The following TSPEAR variants were observed in gnomAD, a reference collection of about 807,000 sequenced individuals.
TSPEAR encodes the protein thrombospondin-type laminin G domain and EAR repeat-containing protein.
A neutral mutation model predicts 71.6 loss-of-function variants in TSPEAR; 69 were observed. That is an observed-to-expected ratio of 0.96 (90% CI 0.79 to 1.18). The LOEUF (loss-of-function observed/expected upper bound fraction) is 1.18, where lower values mean the gene tolerates loss of function less well. Among genes scored for constraint, TSPEAR ranks in the 50% most tolerant of loss-of-function variants. The pLI, the probability that TSPEAR is intolerant of heterozygous loss-of-function variation, is 0.00. For synonymous variants in TSPEAR, 402 were observed against 387.2 expected (o/e 1.04, Z -0.45); for missense variants, 971 against 894.9 (o/e 1.09, Z -1.09).
intron 1 of TSPEAR, among the ~76,000 whole-genome samples, chr21:44,709,234 G>A (rs1049879231): frequency 6.6e-6 from 1 of 152,220 alleles, no homozygotes; most frequent in Admixed American, 6.5e-5. Context: ...GAGGGGTGCC[G>A]AGCCTAGGGC....
In TSPEAR at chr21:44,691,454, T is replaced by C. The variant is rs555943518; in HGVS notation, c.82+19979A>G. Among the ~76,000 whole-genome samples, 34 of 152,328 alleles carry C rather than the reference T, an allele frequency of 2.2e-4. No individual in the cohort carries two copies. The Middle Eastern group carries it at 0.014, about 61-fold the overall frequency. On this transcript the variant is annotated intron_variant, in intron 1 of 11. Transcript: ENST00000323084. ...TGAGAGACAGAACATCAAGGACCTA[T>C]TCATCCATATTGTTCCAATTGCAAA...
intron 1 of TSPEAR, among the ~76,000 whole-genome samples, chr21:44,572,862 C>T (rs1295234812): frequency 2.0e-5 from 3 of 151,078 alleles, no homozygotes; most frequent in Non-Finnish European, 3.0e-5. Context: ...CACACACACA[C>T]ACACACACAC....
chr21:44,566,310 T>G (rs887614363), intron 2 of TSPEAR, among the ~76,000 whole-genome samples: 1 of 152,178 alleles, frequency 6.6e-6, no homozygotes. Context: ...ATAAAACTTA[T>G]ACTCTGAAAA....
intron 1 of TSPEAR, among the ~76,000 whole-genome samples, chr21:44,673,579 A>G (rs1162477902): frequency 2.0e-5 from 3 of 152,212 alleles, no homozygotes; most frequent in Admixed American, 2.0e-4. Context: ...CAACAAAAAA[A>G]TTGGATTTAT....
At chr21:44,617,232 G>A (rs369170004) in intron 1 of TSPEAR, among the ~76,000 whole-genome samples, 6 of 152,352 alleles carry the variant, frequency 3.9e-5, no homozygotes, top group Admixed American at 2.0e-4. Context: ...GACATGGGGG[G>A]ACACTTGGGC....
At chr21:44,565,474 A>G (rs1247520405) in intron 2 of TSPEAR, among the ~76,000 whole-genome samples, 1 of 152,210 alleles carries the variant, frequency 6.6e-6, no homozygotes, top group Non-Finnish European at 1.5e-5. Context: ...TCAACAAGAT[A>G]CTAGCAATCT....
At chr21:44,508,822 C>T (rs782658530) in intron 10 of TSPEAR, 35 of 1,359,048 alleles carry the variant, frequency 2.6e-5, no homozygotes, top group African/African-American at 2.2e-4. Flanking sequence ...TGGCAGGCAG[C>T]GGGCACTCGA....
intron 2 of TSPEAR, among the ~76,000 whole-genome samples, chr21:44,563,879 CT>C (rs1434457020): frequency 1.3e-5 from 2 of 152,166 alleles, no homozygotes; most frequent in Non-Finnish European, 2.9e-5. Flanking sequence ...AGTACTACAA[CT>C]TATGCCTTAA....
intron 2 of TSPEAR, among the ~76,000 whole-genome samples, chr21:44,557,198 T>A (rs1387754885): frequency 1.3e-5 from 2 of 151,890 alleles, no homozygotes; most frequent in African/African-American, 4.8e-5. Context: ...CATGAGAGGG[T>A]TCCTCACATA....
intron 1 of TSPEAR, chr21:44,686,703 A>G (rs1986876454): frequency 6.6e-6 from 1 of 152,216 alleles, no homozygotes; most frequent in South Asian, 2.1e-4. Context: ...CCTTTGTCCT[A>G]TTATCAGAAT....
chr21:44,682,173 G>T, intron 1 of TSPEAR: 1 of 1,592,656 alleles, frequency 6.3e-7, no homozygotes, highest in East Asian at 2.2e-5. Flanking sequence ...GATGTCTGGG[G>T]ATGGCCTCCC....
chr21:44,655,512 A>G (rs1293995475), intron 1 of TSPEAR, among the ~76,000 whole-genome samples: 3 of 152,120 alleles, frequency 2.0e-5, no homozygotes, highest in Middle Eastern at 3.4e-3. Flanking sequence ...GCCACAGGAC[A>G]CCTCCTCTGC....
At chr21:44,511,341 A>G (rs1354566247) in intron 9 of TSPEAR, among the ~76,000 whole-genome samples, 2 of 152,098 alleles carry the variant, frequency 1.3e-5, no homozygotes, top group East Asian at 3.9e-4. Context: ...ATACACACAC[A>G]AACATGCATA....
At chr21:44,541,928 G>A (rs1555917261) in intron 2 of TSPEAR, among the ~76,000 whole-genome samples, 2 of 152,156 alleles carry the variant, frequency 1.3e-5, no homozygotes, top group Non-Finnish European at 2.9e-5. Flanking sequence ...AGTCCTTCAT[G>A]CAGTCAAAAA....
intron 2 of TSPEAR, chr21:44,539,065 G>C: frequency 1.5e-6 from 1 of 659,034 alleles, no homozygotes; most frequent in Non-Finnish European, 2.5e-6. Context: ...GAGCAGAGAA[G>C]CTGGGAGGGA....
At chr21:44,637,293 C>T in intron 1 of TSPEAR, 1 of 1,323,400 alleles carries the variant, frequency 7.6e-7, no homozygotes, top group Non-Finnish European at 1.0e-6. Flanking sequence ...TGCTGAGTCT[C>T]CTGCTGGGAA....
rs375327142 is a variant in TSPEAR, at chr21:44,702,803, G to A, written c.82+8630C>T. On this transcript the variant is annotated intron_variant, in intron 1 of 11. Transcript: ENST00000323084. Reference sequence around the variant, plus strand: ...TCAGGCCAGAAGCCCAGCTACTGACGGGCACGTCCCCCAGGGCCAGCCAGG... The same window carrying A: ...TCAGGCCAGAAGCCCAGCTACTGACAGGCACGTCCCCCAGGGCCAGCCAGG... 186 of 1,221,856 alleles carry A rather than the reference G, an allele frequency of 1.5e-4. 3 individuals carry two copies. In the East Asian group the frequency reaches 2.4e-3, roughly 16 times the overall value. The allele number at this position is 1,221,856 out of a possible 1,614,324, so 75.7% of individuals were successfully genotyped here.
chr21:44,654,734 C>T (rs1555942257), intron 1 of TSPEAR: 12 of 683,284 alleles, frequency 1.8e-5, no homozygotes, highest in South Asian at 1.4e-4. Context: ...GCATCTTCCT[C>T]GTGGGTGGTT....
chr21:44,627,928 C>A, intron 1 of TSPEAR: 1 of 1,519,250 alleles, frequency 6.6e-7, no homozygotes, highest in Non-Finnish European at 8.9e-7. Flanking sequence ...CTGCTGTGCC[C>A]CCACCTCCTC....
Sources: gnomAD v4.1 joint callset for allele counts (sites outside exome capture counted in the v4.1 genomes callset) on GRCh38, gnomAD v4.1.1 for gene constraint, MANE v1.5 for transcripts, NCBI Gene and HGNC (gene_info 2026-07-23, HGNC 2026-07-21) for gene names.